The following PTPRM variants were observed in gnomAD, a reference collection of about 807,000 sequenced individuals.
PTPRM encodes receptor-type tyrosine-protein phosphatase mu.
PTPRM carries 47 observed loss-of-function variants against 186.7 expected under a neutral mutation model. That is an observed-to-expected ratio of 0.25 (90% CI 0.20 to 0.32). The LOEUF (loss-of-function observed/expected upper bound fraction) is 0.32, where lower values mean the gene tolerates loss of function less well. Ranked by LOEUF, PTPRM falls within the 10% of genes least tolerant of loss-of-function variation. The pLI is 1.00. For synonymous variants in PTPRM, 668 were observed against 674.9 expected, an observed-to-expected ratio of 0.99 and a Z score of 0.16; for missense variants, 1,494 against 1,865.0, an observed-to-expected ratio of 0.80 and a Z score of 3.66.
intron 23 of PTPRM, 62 bp from the exon 24 acceptor site, chr18:8,370,828 C>A: frequency 1.0e-5 from 10 of 956,056 alleles, no homozygotes; most frequent in South Asian, 1.6e-5. Context: ...TGTGACCCAT[C>A]ATGGGAGGAA....
chr18:8,057,425 C>CTTTTTTTTTTTTTTTTTTTTTTTGGTTTT (rs763829289), intron 7 of PTPRM, among the ~76,000 whole-genome samples: 2 of 102,562 alleles, frequency 2.0e-5, no homozygotes, highest in Non-Finnish European at 3.8e-5. Context: ...TGTGATACTT[C>CTTTTTTTTTTTTTTTTTTTTTTTGGTTTT]TTTTTTTTTT....
At chr18:7,669,005 G>A (rs1453222167) in intron 1 of PTPRM, among the ~76,000 whole-genome samples, 1 of 152,006 alleles carries the variant, frequency 6.6e-6, no homozygotes, top group East Asian at 1.9e-4. Flanking sequence ...TGTTGAATGA[G>A]TGAATGACTG....
At chr18:7,764,386 A>G (rs1385655511) in intron 1 of PTPRM, among the ~76,000 whole-genome samples, 1 of 152,238 alleles carries the variant, frequency 6.6e-6, no homozygotes, top group East Asian at 1.9e-4. Context: ...TAGGATGGTT[A>G]TACCTTTTTA....
chr18:7,801,182 T>A (rs1017093353), intron 2 of PTPRM, among the ~76,000 whole-genome samples: 1 of 152,170 alleles, frequency 6.6e-6, no homozygotes, highest in Non-Finnish European at 1.5e-5. Context: ...TTATAATTTT[T>A]AAAAAAACTT....
chr18:8,029,013 C>G (rs2085760949), intron 7 of PTPRM, among the ~76,000 whole-genome samples: 1 of 151,894 alleles, frequency 6.6e-6, no homozygotes, highest in Non-Finnish European at 1.5e-5. Flanking sequence ...TCTTTCTCAC[C>G]AACACCAGGG....
intron 14 of PTPRM, among the ~76,000 whole-genome samples, chr18:8,229,514 G>A (rs1433635608): frequency 6.6e-6 from 1 of 151,998 alleles, no homozygotes; most frequent in African/African-American, 2.4e-5. Context: ...TAACATATAA[G>A]GATATTGGGT....
At chr18:8,095,369 A>G (rs1004673253) in intron 11 of PTPRM, among the ~76,000 whole-genome samples, 2 of 152,086 alleles carry the variant, frequency 1.3e-5, no homozygotes, top group African/African-American at 2.4e-5. Flanking sequence ...GGCAAGGAAT[A>G]AAAAAATGAG....
intron 23 of PTPRM, among the ~76,000 whole-genome samples, chr18:8,363,386 T>C (rs1225488012): frequency 1.3e-5 from 2 of 152,200 alleles, no homozygotes; most frequent in Non-Finnish European, 2.9e-5. Context: ...CGTAGATCTA[T>C]ACTGTGACCC....
chr18:7,733,944 G>A (rs1240603833), intron 1 of PTPRM, among the ~76,000 whole-genome samples: 1 of 152,146 alleles, frequency 6.6e-6, no homozygotes, highest in Non-Finnish European at 1.5e-5. Flanking sequence ...AGATTCTCCG[G>A]GTACCCTTCC....
Position 7,880,742 on chromosome 18 carries a change from A to G in PTPRM, c.197-7364A>G, listed in dbSNP as rs552969069. On this transcript the variant is annotated intron_variant, in intron 2 of 32. Transcript: ENST00000580170. Reference sequence around the variant, plus strand: ...CCTATTTCAGGAAATTTCTGGAGACATATTCTTTAGGAGCTGTGTCAGTAC... The same window carrying G: ...CCTATTTCAGGAAATTTCTGGAGACGTATTCTTTAGGAGCTGTGTCAGTAC... Among the ~76,000 whole-genome samples, 25 of 152,268 alleles carry G rather than the reference A, an allele frequency of 1.6e-4. No homozygotes were observed. The South Asian group carries it at 4.8e-3, about 29-fold the overall frequency.
intron 2 of PTPRM, among the ~76,000 whole-genome samples, chr18:7,831,626 A>T (rs1039799974): frequency 3.3e-5 from 5 of 152,130 alleles, no homozygotes; most frequent in Non-Finnish European, 2.9e-5. Flanking sequence ...CAAACCAATT[A>T]TACTCTTTTA....
At chr18:7,938,328 A>G (rs2051957261) in intron 5 of PTPRM, among the ~76,000 whole-genome samples, 1 of 152,180 alleles carries the variant, frequency 6.6e-6, no homozygotes. Flanking sequence ...CATATTGACT[A>G]AGGAAAAGTG....
At chr18:8,358,249 G>GCGCA (rs1555885340) in intron 23 of PTPRM, among the ~76,000 whole-genome samples, 4 of 147,550 alleles carry the variant, frequency 2.7e-5, no homozygotes, top group Admixed American at 6.8e-5. Flanking sequence ...CACATGACAC[G>GCGCA]CACACACACA....
intron 15 of PTPRM, among the ~76,000 whole-genome samples, chr18:8,245,935 A>G (rs2094472974): frequency 7.2e-5 from 11 of 152,208 alleles, no homozygotes; most frequent in Admixed American, 7.2e-4. Context: ...AAAAATGTTC[A>G]TGTACAAACG....
chr18:8,069,527 G>A (rs1311968822), intron 7 of PTPRM, among the ~76,000 whole-genome samples, 159 bp from the exon 8 acceptor site: 1 of 152,182 alleles, frequency 6.6e-6, no homozygotes, highest in African/African-American at 2.4e-5. Context: ...CTTTATTCTG[G>A]GTAGCCAAAT....
At chr18:7,639,279 C>A (rs1324259731) in intron 1 of PTPRM, among the ~76,000 whole-genome samples, 1 of 152,080 alleles carries the variant, frequency 6.6e-6, no homozygotes, top group East Asian at 1.9e-4. Context: ...ACCGTGTTAG[C>A]CAGAATCGTC....
chr18:8,273,634 G>C lies in PTPRM; in HGVS notation c.2754+20220G>C, dbSNP rs1404937503. ...TCTAAAAGCTCTAATTTTTAAACAA[G>C]ATCCTCCCAGTAAAAACATATTCTC... On this transcript the variant is annotated intron_variant, in intron 19 of 32. Transcript: ENST00000580170. Among the ~76,000 whole-genome samples, 4 of 152,118 alleles carry C rather than the reference G, an allele frequency of 2.6e-5. No homozygotes were observed. The East Asian group carries it at 5.8e-4, about 22-fold the overall frequency.
intron 1 of PTPRM, among the ~76,000 whole-genome samples, chr18:7,748,191 C>G (rs1361679016): frequency 1.3e-5 from 2 of 152,162 alleles, no homozygotes; most frequent in Non-Finnish European, 2.9e-5. Flanking sequence ...GGTACAGTAG[C>G]CACTAGTCAT....
intron 7 of PTPRM, among the ~76,000 whole-genome samples, chr18:8,020,299 C>T (rs947516255): frequency 6.6e-6 from 1 of 152,046 alleles, no homozygotes. Flanking sequence ...GTGGGATGCT[C>T]AGTGTTTGTG....
Sources: gnomAD v4.1 joint callset for allele counts (sites outside exome capture counted in the v4.1 genomes callset) on GRCh38, gnomAD v4.1.1 for gene constraint, MANE v1.5 for transcripts, NCBI Gene and HGNC (gene_info 2026-07-23, HGNC 2026-07-21) for gene names.